Variants in COL4A4 observed in about 807,000 individuals in gnomAD.
COL4A4 encodes the protein collagen type IV alpha 4 chain.
In COL4A4, 105 loss-of-function variants were observed where a neutral mutation model predicts 192.9. The observed-to-expected ratio is 0.54, with a 90% CI of 0.46 to 0.64. The LOEUF (loss-of-function observed/expected upper bound fraction) is 0.64, where lower values mean the gene tolerates loss of function less well. COL4A4 is among the 30% of genes least tolerant of loss of function. The pLI is 0.00. For missense variants in COL4A4, 1,967 were observed against 2,169.3 expected, an observed-to-expected ratio of 0.91 and a Z score of 1.85; for synonymous variants, 762 against 769.9, an observed-to-expected ratio of 0.99 and a Z score of 0.17.
rs946966107 is a variant in COL4A4 at position 227,004,936 on chromosome 2, A to G, written c.*2389T>C. 4 of 152,266 alleles carry G rather than the reference A, an allele frequency of 2.6e-5. No homozygotes were observed. The highest frequency in any genetic ancestry group is 2.0e-4 in the Admixed American group (3 of 15,290). The allele number at this position is 152,266 out of a possible 1,614,324, so 9.4% of individuals were successfully genotyped here. ...GGAGAACAACTTAAAAGCTTTGTTC[A>G]TCACCTCCACAGAGAAAGGGTAATT... On this transcript the variant is annotated 3_prime_UTR_variant, in exon 48 of 48. Transcript: ENST00000396625.
intron 36 of COL4A4, among the ~76,000 whole-genome samples, chr2:227,042,478 T>G (rs1315515743): frequency 6.6e-6 from 1 of 152,194 alleles, no homozygotes; most frequent in East Asian, 1.9e-4. Context: ...AAACTTTCTC[T>G]TTTTTTCTGA....
rs1962323360 is a variant in COL4A4 at position 227,007,193 on chromosome 2, A to C, written c.*132T>G. On this transcript the variant is annotated 3_prime_UTR_variant, in exon 48 of 48. Transcript: ENST00000396625. Reference sequence around the variant, plus strand: ...AAGGAACCAGAGGACTCTGGGAATAACCACGACAAAACAGAAGGAACCACT... The same window carrying C: ...AAGGAACCAGAGGACTCTGGGAATACCCACGACAAAACAGAAGGAACCACT... 1 of 1,300,142 alleles carries C rather than the reference A, an allele frequency of 7.7e-7. No homozygotes were observed. The highest frequency in any genetic ancestry group is 1.5e-5 in the African/African-American group (1 of 68,754). The allele number at this position is 1,300,142 out of a possible 1,614,324, so 80.5% of individuals were successfully genotyped here.
chr2:227,075,032 G>T (rs1330355104), intron 25 of COL4A4, among the ~76,000 whole-genome samples: 1 of 152,086 alleles, frequency 6.6e-6, no homozygotes, highest in Non-Finnish European at 1.5e-5. Flanking sequence ...ACCAAAAAAA[G>T]CCCACGACCA....
chr2:227,018,660 C>T (rs1225734588), intron 44 of COL4A4, among the ~76,000 whole-genome samples: 2 of 152,088 alleles, frequency 1.3e-5, no homozygotes. Context: ...ACCAGAACGA[C>T]GGGGCACTTT....
At chr2:226,980,963 T>A in the COL4A4 span, among the ~76,000 whole-genome samples, 1 of 152,210 alleles carries the variant, frequency 6.6e-6, no homozygotes, top group Admixed American at 6.5e-5. Flanking sequence ...TTTAAAATAA[T>A]TTCTGAGTTT....
intron 3 of COL4A4, among the ~76,000 whole-genome samples, chr2:227,141,660 A>T (rs1211441882): frequency 6.6e-6 from 1 of 152,216 alleles, no homozygotes; most frequent in African/African-American, 2.4e-5. Context: ...TTAAAAGCAT[A>T]CAAGAATTTG....
At position 227,077,913 on chromosome 2, in the gene COL4A4, AT is replaced by A. The variant is rs1559562664; in HGVS notation, c.1967del (p.Asp656ValfsTer3). 1 of 1,613,408 alleles carries A rather than the reference AT, an allele frequency of 6.2e-7. No individual in the cohort carries two copies. ...VPGHPGVRGPDGLKGQKGDTI... is the reference protein window; with the variant it reads ...VPGHPGVRGPXGLKGQKGDTI... ...AATTACCTTTCTGACCCTTCAAGCC[AT>A]CAGGGCCCCTCACACCTGGGTGGCC... On this transcript the variant is annotated frameshift_variant, in exon 25 of 48. Transcript: ENST00000396625. LOFTEE classifies it high-confidence loss of function.
intron 8 of COL4A4, among the ~76,000 whole-genome samples, chr2:227,113,271 A>G (rs1488498922): frequency 6.6e-6 from 1 of 152,204 alleles, no homozygotes; most frequent in Non-Finnish European, 1.5e-5. Flanking sequence ...TAAAGTGGAT[A>G]TAGACTCTTA....
At chr2:226,976,298 T>C in the COL4A4 span, among the ~76,000 whole-genome samples, 4 of 147,734 alleles carry the variant, frequency 2.7e-5, no homozygotes, top group Admixed American at 6.9e-5. Context: ...CCCACCCCCC[T>C]GGAGACACCA....
chr2:227,037,990 G>A (rs1025659353), intron 37 of COL4A4, among the ~76,000 whole-genome samples: 3 of 152,066 alleles, frequency 2.0e-5, no homozygotes, highest in African/African-American at 7.2e-5. Flanking sequence ...TGGATAGATT[G>A]CAAAAATTTT....
At chr2:227,108,013 C>T (rs1383042420) in intron 12 of COL4A4, among the ~76,000 whole-genome samples, 3 of 152,148 alleles carry the variant, frequency 2.0e-5, no homozygotes, top group Non-Finnish European at 2.9e-5. Context: ...GCCTCAGCCT[C>T]CCAAAGTGCT....
chr2:226,981,505 A>G, the COL4A4 span, among the ~76,000 whole-genome samples: 3 of 151,862 alleles, frequency 2.0e-5, no homozygotes, highest in African/African-American at 7.3e-5. Flanking sequence ...AGCACACACA[A>G]GCACACACTC....
chr2:227,015,773 G>C (rs1964730092), intron 44 of COL4A4, among the ~76,000 whole-genome samples: 1 of 152,186 alleles, frequency 6.6e-6, no homozygotes, highest in Non-Finnish European at 1.5e-5. Context: ...AGCTACTACA[G>C]ATAATATTGT....
chr2:227,113,376 C>G (rs73993633), intron 8 of COL4A4, among the ~76,000 whole-genome samples: 9,540 of 152,036 alleles, frequency 0.063, 969 homozygotes, highest in African/African-American at 0.22. Context: ...ATATTCATCC[C>G]CCTTCTATAT....
chr2:227,019,810 G>A (rs1289086741), intron 44 of COL4A4, among the ~76,000 whole-genome samples: 1 of 152,192 alleles, frequency 6.6e-6, no homozygotes. Flanking sequence ...TGGGATTACA[G>A]GCATCTGCCA....
intron 29 of COL4A4, 26 bp from the exon 30 acceptor site, chr2:227,056,141 T>G (rs1341814409): frequency 6.2e-7 from 1 of 1,611,380 alleles, no homozygotes; most frequent in Admixed American, 1.7e-5. Context: ...GTGACCACAG[T>G]GTGTGAAGGC....
the COL4A4 span, among the ~76,000 whole-genome samples, chr2:226,981,560 G>GCACA: frequency 1.0e-5 from 1 of 96,750 alleles, no homozygotes; most frequent in African/African-American, 6.6e-5. Flanking sequence ...TCATCCACAT[G>GCACA]CACACACATA....
intron 19 of COL4A4, among the ~76,000 whole-genome samples, chr2:227,095,326 G>A (rs2060153178): frequency 6.6e-6 from 1 of 152,158 alleles, no homozygotes; most frequent in African/African-American, 2.4e-5. Context: ...GAAGGATGGA[G>A]GTACCAGATT....
intron 6 of COL4A4, among the ~76,000 whole-genome samples, chr2:227,119,317 A>C (rs770776501): frequency 6.6e-5 from 10 of 151,684 alleles, no homozygotes; most frequent in Admixed American, 2.0e-4. Flanking sequence ...TTCATGCACT[A>C]AAATGAGAAA....
Sources: gnomAD v4.1 joint callset for allele counts (sites outside exome capture counted in the v4.1 genomes callset) on GRCh38, gnomAD v4.1.1 for gene constraint, MANE v1.5 for transcripts, NCBI Gene and HGNC (gene_info 2026-07-23, HGNC 2026-07-21) for gene names.